Variants in THSD7A observed in about 807,000 individuals in gnomAD.
THSD7A encodes thrombospondin type-1 domain-containing protein 7A.
In THSD7A, 96 loss-of-function variants were observed where a neutral mutation model predicts 231.3. The ratio of observed to expected loss-of-function variants is 0.41; its 90% CI spans 0.35 to 0.49. The LOEUF (loss-of-function observed/expected upper bound fraction) is 0.49. THSD7A is among the 20% of genes least tolerant of loss of function. The pLI, the probability that THSD7A is intolerant of heterozygous loss-of-function variation, is 0.05. For missense variants in THSD7A, 2,290 were observed against 2,070.2 expected (o/e 1.11, Z -2.06); for synonymous variants, 940 against 743.3 (o/e 1.26, Z -4.30).
intron 1 of THSD7A, among the ~76,000 whole-genome samples, chr7:11,663,841 T>G (rs1359757045): frequency 6.6e-6 from 1 of 151,774 alleles, no homozygotes; most frequent in African/African-American, 2.4e-5. Flanking sequence ...TCAATTTTGT[T>G]GGTCAAAAAC....
chr7:11,574,718 G>A (rs1455381702), intron 4 of THSD7A, among the ~76,000 whole-genome samples: 1 of 151,688 alleles, frequency 6.6e-6, no homozygotes, highest in South Asian at 2.1e-4. Flanking sequence ...TTACAGGCGT[G>A]AGCCACCGCG....
At chr7:11,408,950 T>C (rs1388604910) in intron 19 of THSD7A, among the ~76,000 whole-genome samples, 1 of 152,164 alleles carries the variant, frequency 6.6e-6, no homozygotes, top group East Asian at 1.9e-4. Flanking sequence ...TTAAGGTAAA[T>C]AATAGTTTCA....
intron 2 of THSD7A, among the ~76,000 whole-genome samples, chr7:11,598,812 A>G (rs1780454213): frequency 6.6e-6 from 1 of 152,100 alleles, no homozygotes; most frequent in Admixed American, 6.5e-5. Flanking sequence ...TGTTCCTGCA[A>G]CATTACGTTC....
At chr7:11,582,885 C>T (rs1349080709) in intron 4 of THSD7A, among the ~76,000 whole-genome samples, 2 of 151,864 alleles carry the variant, frequency 1.3e-5, no homozygotes, top group African/African-American at 4.8e-5. Context: ...ATTTTATTAT[C>T]CTGCTTGAAA....
intron 1 of THSD7A, among the ~76,000 whole-genome samples, chr7:11,643,415 A>C (rs1351867178): frequency 6.6e-6 from 1 of 152,118 alleles, no homozygotes; most frequent in Non-Finnish European, 1.5e-5. Flanking sequence ...ATTCCTTATA[A>C]ATTCCATAAA....
In THSD7A at chr7:11,683,728, T is replaced by TA. The variant is rs371798613; in HGVS notation, c.191-46768dup. On this transcript the variant is annotated intron_variant, in intron 1 of 27. Coordinates refer to ENST00000423059, the MANE Select transcript of THSD7A (RefSeq NM_015204.3). ...ATGAGTTACGAAATTGAATGAGTGATAAAAAAACTACCAACCCAAAAAAGC... is the reference window on the plus strand; with the variant it reads ...ATGAGTTACGAAATTGAATGAGTGATAAAAAAAACTACCAACCCAAAAAAGC... Among the ~76,000 whole-genome samples, 90 of 151,868 alleles carry TA rather than the reference T, an allele frequency of 5.9e-4. 1 individual carries two copies. The highest frequency in any genetic ancestry group is 1.9e-3 in the African/African-American group (79 of 41,436).
intron 4 of THSD7A, among the ~76,000 whole-genome samples, chr7:11,572,788 C>T (rs780950675): frequency 5.3e-5 from 8 of 151,970 alleles, no homozygotes; most frequent in South Asian, 2.1e-4. Context: ...TTAAAGTCCT[C>T]GTCTGCTGAT....
chr7:11,658,725 C>T (rs1233066517), intron 1 of THSD7A, among the ~76,000 whole-genome samples: 6 of 151,636 alleles, frequency 4.0e-5, no homozygotes, highest in Non-Finnish European at 5.9e-5. Flanking sequence ...TCCAGTCTTA[C>T]GTTATTCGAT....
At chr7:11,815,254 T>G (rs1304832397) in intron 1 of THSD7A, among the ~76,000 whole-genome samples, 1 of 151,714 alleles carries the variant, frequency 6.6e-6, no homozygotes, top group Non-Finnish European at 1.5e-5. Flanking sequence ...TTTATGAGAT[T>G]TTTTTGTTTT....
At position 11,485,281 on chromosome 7, in the gene THSD7A, C is replaced by T. The variant is rs192543030; in HGVS notation, c.1823-3299G>A. Reference sequence around the variant, plus strand: ...AGAATTTTTCTCCATTTATTGTCTTCTGGTTTGATTAGAACCAGATTGTCT... The same window carrying T: ...AGAATTTTTCTCCATTTATTGTCTTTTGGTTTGATTAGAACCAGATTGTCT... On this transcript the variant is annotated intron_variant, in intron 6 of 27. Transcript: ENST00000423059. Among the ~76,000 whole-genome samples, 819 of 152,248 alleles carry T rather than the reference C, an allele frequency of 5.4e-3. 3 individuals are homozygous for T. The highest frequency in any genetic ancestry group is 8.2e-3 in the Non-Finnish European group (556 of 68,014).
At chr7:11,728,538 C>T (rs2030865) in intron 1 of THSD7A, among the ~76,000 whole-genome samples, 38,938 of 151,746 alleles carry the variant, frequency 0.26, 5,015 homozygotes, top group Middle Eastern at 0.3. Flanking sequence ...GGTAAAAACT[C>T]TCTTTATGCC....
intron 13 of THSD7A, among the ~76,000 whole-genome samples, chr7:11,441,216 G>A (rs550334414): frequency 1.3e-5 from 2 of 152,062 alleles, no homozygotes; most frequent in African/African-American, 4.8e-5. Context: ...TCTTGAATGG[G>A]AGATAAAGAA....
chr7:11,648,105 G>T (rs535620462), intron 1 of THSD7A, among the ~76,000 whole-genome samples: 76 of 152,120 alleles, frequency 5.0e-4, no homozygotes, highest in African/African-American at 1.8e-3. Context: ...TAAGCCATTT[G>T]CCATTGCTTA....
At chr7:11,445,519 A>ATG (rs10691034) in intron 13 of THSD7A, among the ~76,000 whole-genome samples, 49,478 of 149,016 alleles carry the variant, frequency 0.33, 8,149 homozygotes, top group South Asian at 0.53. Context: ...CGTTTGTTTT[A>ATG]TGTGTGTGTG....
chr7:11,537,958 C>G (rs1019008012), intron 6 of THSD7A, among the ~76,000 whole-genome samples: 6 of 152,296 alleles, frequency 3.9e-5, no homozygotes, highest in African/African-American at 1.4e-4. Context: ...CAGAGTTACT[C>G]CCATTCAAGA....
chr7:11,706,721 T>C (rs1372999974), intron 1 of THSD7A, among the ~76,000 whole-genome samples: 2 of 148,260 alleles, frequency 1.3e-5, no homozygotes, highest in Non-Finnish European at 3.0e-5. Context: ...CACAAACCAG[T>C]TGAACTAATA....
At chr7:11,401,682 G>A (rs1281072573) in intron 23 of THSD7A, 113 bp downstream of exon 23, 47 of 982,696 alleles carry the variant, frequency 4.8e-5, no homozygotes, top group Non-Finnish European at 6.3e-5. Flanking sequence ...AAAGCGTTGG[G>A]ATTACAGGCG....
chr7:11,410,713 CTGTT>C (rs570785736), intron 19 of THSD7A, among the ~76,000 whole-genome samples: 57 of 152,196 alleles, frequency 3.7e-4, no homozygotes, highest in African/African-American at 1.4e-3. Flanking sequence ...CTTCATTCCT[CTGTT>C]TGAATTTCAG....
At chr7:11,761,785 C>G (rs575750677) in intron 1 of THSD7A, among the ~76,000 whole-genome samples, 1 of 151,880 alleles carries the variant, frequency 6.6e-6, no homozygotes, top group Admixed American at 6.6e-5. Flanking sequence ...TGGGGGTACA[C>G]GTGCAGGTTT....
Sources: gnomAD v4.1 joint callset for allele counts (sites outside exome capture counted in the v4.1 genomes callset) on GRCh38, gnomAD v4.1.1 for gene constraint, MANE v1.5 for transcripts, NCBI Gene and HGNC (gene_info 2026-07-23, HGNC 2026-07-21) for gene names.